Variants in NME5 observed in about 807,000 individuals in gnomAD.
The protein encoded by NME5 is nucleoside diphosphate kinase 5.
A neutral mutation model predicts 21.6 loss-of-function variants in NME5; 18 were observed. That is an observed-to-expected ratio of 0.83 (90% CI 0.58 to 1.24). NME5 has a LOEUF of 1.24. Among genes scored for constraint, NME5 ranks in the 50% most tolerant of loss-of-function variants. The probability of loss-of-function intolerance (pLI) is 0.00; values close to 1 mark genes in which losing one functional copy is unlikely to be tolerated. For missense variants in NME5, 223 were observed against 255.4 expected (o/e 0.87, Z 0.86); for synonymous variants, 70 against 80.6 (o/e 0.87, Z 0.71).
In NME5 at chr5:138,115,700, A is replaced by G. The variant is rs1317176616; in HGVS notation, c.620T>C (p.Ile207Thr). 2 of 1,581,530 alleles carry G rather than the reference A, an allele frequency of 1.3e-6. No individual in the cohort carries two copies. The highest frequency in any genetic ancestry group is 2.3e-5 in the East Asian group (1 of 44,320). The part of the protein sequence containing the change: ...PNKPKLCHHP[I>T]VEEPY Reference sequence around the variant, plus strand: ...TTTTTTTTAATAAGGTTCTTCTACAATTGGATGGTGACAAAGTTTGGGTTT... The same window carrying G: ...TTTTTTTTAATAAGGTTCTTCTACAGTTGGATGGTGACAAAGTTTGGGTTT... Residue 207 changes from isoleucine (I) to threonine (T), a missense_variant, in exon 6 of 6, where the codon ATT becomes ACT. Physicochemically the swap from Ile to Thr is moderately conservative, Grantham distance 89. Coordinates refer to ENST00000265191, the MANE Select transcript of NME5 (RefSeq NM_003551.3).
chr5:138,132,717 A>C (rs1343179333), intron 2 of NME5, among the ~76,000 whole-genome samples: 2 of 152,162 alleles, frequency 1.3e-5, no homozygotes, highest in Non-Finnish European at 2.9e-5. Context: ...GTTTAGGAAC[A>C]CGCTTACCTA....
Position 138,128,539 on chromosome 5 carries a change from G to C in NME5, c.376C>G (p.Leu126Val), listed in dbSNP as rs1751485327. ...GCAGCAAAGTCATTACTCCCATGAA[G>C]TGCATTCCTTAGGTCATCTGTGCCA... ...IYGTDDLRNA[L>V]HGSNDFAAAE... Residue 126 changes from leucine to valine, a missense_variant, in exon 4 of 6, where the codon CTT (leucine) becomes GTT (valine). By Grantham distance (32) the Leu-to-Val change is conservative (BLOSUM62 1). Transcript: ENST00000265191. The C allele has an allele frequency of 1.2e-6, 2 of 1,612,826 alleles. No individual in the cohort carries two copies. The highest frequency in any genetic ancestry group is 8.5e-7 in the Non-Finnish European group (1 of 1,179,710).
At chr5:138,121,245 C>T (rs543846123) in intron 4 of NME5, among the ~76,000 whole-genome samples, 39 of 151,654 alleles carry the variant, frequency 2.6e-4, no homozygotes, top group Non-Finnish European at 4.6e-4. Context: ...GGCAATATGG[C>T]GAGACTGCCT....
chr5:138,130,520 G>GGCTC lies in NME5; in HGVS notation c.130-1056_130-1053dup, dbSNP rs1206813231. ...TAAGAAAAATTAGGCCAGGCATGGT[G>GGCTC]GCTCAGGCTTGTAATCCCAACACTC... is the stretch of plus-strand genomic sequence containing the variant. On this transcript the variant is annotated intron_variant, in intron 2 of 5. Coordinates refer to ENST00000265191, the MANE Select transcript of NME5 (RefSeq NM_003551.3). Among the ~76,000 whole-genome samples, 9 of 152,340 alleles carry GGCTC rather than the reference G, an allele frequency of 5.9e-5. No individual in the cohort carries two copies. The South Asian group carries it at 1.9e-3, about 32-fold the overall frequency.
rs1581381249 is a variant in NME5 at position 138,126,957 on chromosome 5, A to G, written c.436+1522T>C. ...CTGAGACTCCATCTCAAATAGATAA[A>G]TAAATAATAAAAGCTAACGAGCAAA... On this transcript the variant is annotated intron_variant, in intron 4 of 5. Coordinates refer to ENST00000265191, the MANE Select transcript of NME5 (RefSeq NM_003551.3). Among the ~76,000 whole-genome samples the G allele has an allele frequency of 2.0e-5, 3 of 152,094 alleles. No individual in the cohort carries two copies. In the South Asian group the frequency reaches 6.2e-4, roughly 32 times the overall value.
At chr5:138,131,500 G>A (rs1035966426) in intron 2 of NME5, among the ~76,000 whole-genome samples, 3 of 150,852 alleles carry the variant, frequency 2.0e-5, no homozygotes, top group African/African-American at 7.3e-5. Context: ...GGTGAGCCAA[G>A]ATTGAGATAG....
At chr5:138,133,982 T>C (rs1224230232) in intron 2 of NME5, among the ~76,000 whole-genome samples, 1 of 152,230 alleles carries the variant, frequency 6.6e-6, no homozygotes, top group Non-Finnish European at 1.5e-5. Flanking sequence ...TGGTAAATTT[T>C]ATGTTGTGTA....
chr5:138,125,446 G>A (rs147087939), intron 4 of NME5, among the ~76,000 whole-genome samples: 2,008 of 152,140 alleles, frequency 0.013, 36 homozygotes, highest in Middle Eastern at 0.024. Context: ...GAGCATGGTG[G>A]TACACACCTG....
At chr5:138,136,891 C>T (rs539945528) in intron 2 of NME5, among the ~76,000 whole-genome samples, 3 of 152,106 alleles carry the variant, frequency 2.0e-5, no homozygotes, top group African/African-American at 4.8e-5. Flanking sequence ...GATCAACTCA[C>T]CTTGGCCTCC....
chr5:138,127,615 T>G (rs1751453528), intron 4 of NME5: 2 of 984,604 alleles, frequency 2.0e-6, no homozygotes. Context: ...TCACCAAATT[T>G]TATTTCTGCT....
chr5:138,138,793 G>T lies in NME5; in HGVS notation c.-5-8C>A. 6.3e-7 allele frequency: 1 copy of T among 1,595,586 alleles called. No individual in the cohort carries two copies. The highest frequency in any genetic ancestry group is 8.5e-7 in the Non-Finnish European group (1 of 1,174,984). On this transcript the variant is annotated splice_region_variant and splice_polypyrimidine_tract_variant and intron_variant, in intron 1 of 5. Transcript: ENST00000265191. ...TTGATATCTCCATTATGGCTTTTCA[G>T]GGCACAAATTAAGAGTTTCTTAACA...
chr5:138,138,466 A>G, intron 2 of NME5, 186 bp downstream of exon 2: 2 of 517,960 alleles, frequency 3.9e-6, no homozygotes, highest in South Asian at 5.0e-5. Flanking sequence ...GGTGAAGGAA[A>G]AGTCCATTTT....
intron 5 of NME5, among the ~76,000 whole-genome samples, chr5:138,116,976 G>A (rs570421044): frequency 2.0e-5 from 3 of 152,054 alleles, no homozygotes; most frequent in Admixed American, 1.3e-4. Context: ...TGGAGGCCGA[G>A]GTAGGAAGAT....
Position 138,129,313 on chromosome 5 carries a change from T to C in NME5, c.285A>G (p.Glu95=), listed in dbSNP as rs753070823. 4.3e-6 allele frequency: 7 copies of C among 1,614,118 alleles called. No homozygotes were observed. The East Asian group carries it at 1.3e-4, about 31-fold the overall frequency. Residue 95 remains glutamate (E), a synonymous_variant, in exon 3 of 6, where the codon GAA becomes GAG. Coordinates refer to ENST00000265191, the MANE Select transcript of NME5 (RefSeq NM_003551.3). ...CTAAGCTATTATTTGGTCCCAAAAGTTCTAACCAATAAGAGATGGCTTTAT... is the reference window on the plus strand; with the variant it reads ...CTAAGCTATTATTTGGTCCCAAAAGCTCTAACCAATAAGAGATGGCTTTAT... The part of the protein sequence containing the change: ...ARHKAISYWL[E]LLGPNNSLVA...
intron 5 of NME5, among the ~76,000 whole-genome samples, chr5:138,117,705 G>A (rs1025379908): frequency 3.3e-5 from 5 of 151,930 alleles, no homozygotes; most frequent in Middle Eastern, 3.2e-3. Flanking sequence ...AAGATAGGTC[G>A]GGCGCGGTGG....
chr5:138,120,604 T>C (rs1454596111), intron 4 of NME5, among the ~76,000 whole-genome samples: 1 of 152,208 alleles, frequency 6.6e-6, no homozygotes, highest in Non-Finnish European at 1.5e-5. Context: ...GTCCAATTTA[T>C]CAATATTTTC....
chr5:138,129,533 C>G (rs559984140), intron 2 of NME5, 65 bp from the exon 3 acceptor site: 7 of 1,161,446 alleles, frequency 6.0e-6, no homozygotes, highest in Admixed American at 1.8e-5. Flanking sequence ...TCATTAAAAT[C>G]ATTAGTAACT....
intron 2 of NME5, among the ~76,000 whole-genome samples, chr5:138,131,864 C>T (rs567826664): frequency 6.6e-6 from 1 of 152,094 alleles, no homozygotes; most frequent in East Asian, 1.9e-4. Context: ...CTGCCGCAGC[C>T]TCCTGAGTAG....
rs752555597 is a variant in NME5 at position 138,138,739 on chromosome 5, T to C, written c.42A>G (p.Lys14=). 10 of 1,612,844 alleles carry C rather than the reference T, an allele frequency of 6.2e-6. No homozygotes were observed. Among genetic ancestry groups the C allele is most frequent in the South Asian group, 1.1e-5 (1 of 90,914 alleles). ...SMPPPQIYVE[K]TLAIIKPDIV... is the part of the protein sequence containing the mutation. ...TATCTGGTTTGATAATGGCCAGAGT[T>C]TTTTCTACATATATCTGAGGTGGAG... Residue 14 remains lysine, a synonymous_variant, in exon 2 of 6, where the codon AAA becomes AAG. Coordinates refer to ENST00000265191, the MANE Select transcript of NME5 (RefSeq NM_003551.3).
Sources: allele counts gnomAD v4.1 joint callset (sites outside exome capture counted in the v4.1 genomes callset), GRCh38; gene constraint gnomAD v4.1.1; transcripts MANE v1.5; gene names NCBI Gene and HGNC (gene_info 2026-07-23, HGNC 2026-07-21).